Variants in CNTLN observed in about 807,000 individuals in gnomAD.
CNTLN encodes centlein.
CNTLN carries 212 observed loss-of-function variants against 180.0 expected under a neutral mutation model. The observed-to-expected ratio is 1.18, with a 90% CI of 1.05 to 1.32. The LOEUF (loss-of-function observed/expected upper bound fraction) is 1.32, where lower values mean the gene tolerates loss of function less well. Among genes scored for constraint, CNTLN ranks in the 40% most tolerant of loss-of-function variants. The pLI, the probability that CNTLN is intolerant of heterozygous loss-of-function variation, is 0.00. For missense variants in CNTLN, 2,095 were observed against 1,610.9 expected (o/e 1.30, Z -5.14); for synonymous variants, 722 against 563.1 (o/e 1.28, Z -3.99).
At chr9:17,230,661 G>A (rs1824756224) in intron 3 of CNTLN, among the ~76,000 whole-genome samples, 1 of 151,990 alleles carries the variant, frequency 6.6e-6, no homozygotes, top group Admixed American at 6.6e-5. Context: ...GCCTTGGTAA[G>A]AAGAAAAGAA....
At chr9:17,366,544 T>A in intron 12 of CNTLN, 73 bp from the exon 13 acceptor site, 1 of 652,940 alleles carries the variant, frequency 1.5e-6, no homozygotes, top group Non-Finnish European at 2.6e-6. Context: ...TAGAAATATA[T>A]TTAAATGTAT....
chr9:17,314,240 CT>C (rs2132970379), intron 8 of CNTLN, among the ~76,000 whole-genome samples: 1 of 152,026 alleles, frequency 6.6e-6, no homozygotes, highest in African/African-American at 2.4e-5. Context: ...TCTATTGGGT[CT>C]TCTTTGGTTT....
chr9:17,362,959 A>G (rs576470512), intron 12 of CNTLN, among the ~76,000 whole-genome samples: 8 of 151,540 alleles, frequency 5.3e-5, no homozygotes, highest in African/African-American at 1.5e-4. Flanking sequence ...TCATTGTCCA[A>G]CTCCCACTTA....
intron 6 of CNTLN, among the ~76,000 whole-genome samples, chr9:17,291,722 T>C (rs561138132): frequency 6.6e-6 from 1 of 152,212 alleles, no homozygotes; most frequent in South Asian, 2.1e-4. Context: ...ATGGGTCTCT[T>C]AAATCCAGCA....
chr9:17,156,110 A>G (rs1169584983), intron 2 of CNTLN, among the ~76,000 whole-genome samples: 1 of 152,190 alleles, frequency 6.6e-6, no homozygotes, highest in Admixed American at 6.5e-5. Context: ...TCAGTTGGAA[A>G]TGCAGAAATC....
At chr9:17,138,536 C>G (rs916194859) in intron 1 of CNTLN, among the ~76,000 whole-genome samples, 2 of 152,106 alleles carry the variant, frequency 1.3e-5, no homozygotes, top group Non-Finnish European at 2.9e-5. Flanking sequence ...CATTTATTCA[C>G]AAAGAAAAAC....
At position 17,138,220 on chromosome 9, in the gene CNTLN, A is replaced by G. The variant is rs12552350; in HGVS notation, c.360+2795A>G. On this transcript the variant is annotated intron_variant, in intron 1 of 25. Transcript: ENST00000380647. ...GATGCTGGGGCATGTGTATTTGTAC[A>G]TTTATCACCATTTATAGAGTGAGAT... Among the ~76,000 whole-genome samples the G allele has an allele frequency of 1.1e-3, 166 of 152,312 alleles. 3 individuals carry two copies. The highest frequency in any genetic ancestry group is 9.7e-3 in the Admixed American group (148 of 15,300).
chr9:17,306,969 C>G (rs1402146277), intron 7 of CNTLN, among the ~76,000 whole-genome samples: 1 of 152,000 alleles, frequency 6.6e-6, no homozygotes, highest in Non-Finnish European at 1.5e-5. Flanking sequence ...TCTTTTCTAC[C>G]CTAAACCCAG....
In CNTLN at chr9:17,263,172, C is replaced by T. The variant is rs904276183; in HGVS notation, c.850-10561C>T. Among the ~76,000 whole-genome samples the T allele has an allele frequency of 1.0e-4, 15 of 147,976 alleles. 1 individual carries two copies. The highest frequency in any genetic ancestry group is 6.5e-4 in the South Asian group (3 of 4,608). ...TCGTCATTTAGCATTAGGTATATCT[C>T]CTAATGCTATCCCTCCCCCCTCCCC... On this transcript the variant is annotated intron_variant, in intron 5 of 25. Transcript: ENST00000380647.
At chr9:17,455,726 G>A (rs1831069900) in intron 18 of CNTLN, among the ~76,000 whole-genome samples, 1 of 151,786 alleles carries the variant, frequency 6.6e-6, no homozygotes, top group African/African-American at 2.4e-5. Flanking sequence ...TTGGGGAGTG[G>A]CAGGCAGGTT....
At chr9:17,143,210 A>T (rs544905575) in intron 1 of CNTLN, 78 bp from the exon 2 acceptor site, 8 of 1,003,808 alleles carry the variant, frequency 8.0e-6, no homozygotes, top group South Asian at 7.3e-5. Flanking sequence ...TTGTTTTTTC[A>T]TTTTAAAATT....
chr9:17,482,380 A>G (rs564211391), intron 23 of CNTLN, among the ~76,000 whole-genome samples: 28 of 152,270 alleles, frequency 1.8e-4, no homozygotes, highest in Middle Eastern at 3.4e-3. Context: ...AAAATAAAAT[A>G]AAATGCCCAG....
At chr9:17,435,343 G>C (rs1425602539) in intron 18 of CNTLN, among the ~76,000 whole-genome samples, 1 of 152,100 alleles carries the variant, frequency 6.6e-6, no homozygotes, top group East Asian at 1.9e-4. Flanking sequence ...TCTGGACTTA[G>C]TTATTTTTAT....
At chr9:17,260,989 T>A (rs1487469504) in intron 5 of CNTLN, among the ~76,000 whole-genome samples, 1 of 151,318 alleles carries the variant, frequency 6.6e-6, no homozygotes, top group Admixed American at 6.6e-5. Flanking sequence ...ATTGTAGGTG[T>A]GCAACTTTAT....
At chr9:17,223,219 A>T (rs1015692511) in intron 2 of CNTLN, among the ~76,000 whole-genome samples, 4 of 151,964 alleles carry the variant, frequency 2.6e-5, no homozygotes, top group African/African-American at 9.7e-5. Flanking sequence ...TGGATTGTTT[A>T]TTTCTGGAAC....
At chr9:17,179,700 T>C (rs946361241) in intron 2 of CNTLN, among the ~76,000 whole-genome samples, 1 of 152,206 alleles carries the variant, frequency 6.6e-6, no homozygotes, top group African/African-American at 2.4e-5. Flanking sequence ...ATTTTGTTGC[T>C]GAGCTCTTCT....
At chr9:17,326,554 G>A (rs1257456548) in intron 8 of CNTLN, among the ~76,000 whole-genome samples, 1 of 152,032 alleles carries the variant, frequency 6.6e-6, no homozygotes, top group East Asian at 1.9e-4. Context: ...GTATATGTTT[G>A]AGATTATTAA....
At chr9:17,451,651 G>A (rs1330764648) in intron 18 of CNTLN, among the ~76,000 whole-genome samples, 1 of 152,164 alleles carries the variant, frequency 6.6e-6, no homozygotes, top group Non-Finnish European at 1.5e-5. Flanking sequence ...CGTTGCTCCA[G>A]CATGGACTGC....
chr9:17,345,613 A>G (rs1002708718), intron 12 of CNTLN, among the ~76,000 whole-genome samples: 1 of 151,162 alleles, frequency 6.6e-6, no homozygotes, highest in East Asian at 1.9e-4. Context: ...TCAACATTTT[A>G]TTACTTTAAG....
Sources: gnomAD v4.1 joint callset for allele counts (sites outside exome capture counted in the v4.1 genomes callset) on GRCh38, gnomAD v4.1.1 for gene constraint, MANE v1.5 for transcripts, NCBI Gene and HGNC (gene_info 2026-07-23, HGNC 2026-07-21) for gene names.